Variants in SLC5A11 observed in about 807,000 individuals in gnomAD.
The protein encoded by SLC5A11 is solute carrier family 5 member 11.
In SLC5A11, 48 loss-of-function variants were observed where a neutral mutation model predicts 69.8. The observed-to-expected ratio is 0.69, with a 90% CI of 0.55 to 0.87. The LOEUF (loss-of-function observed/expected upper bound fraction) is 0.87, where lower values mean the gene tolerates loss of function less well. Among genes scored for constraint, SLC5A11 ranks in the 40% least tolerant of loss-of-function variants. SLC5A11 has a pLI of 0.00. For missense variants in SLC5A11, 784 were observed against 866.1 expected (o/e 0.91, Z 1.19); for synonymous variants, 319 against 342.4 (o/e 0.93, Z 0.75).
At chr16:24,866,078 A>G (rs2046899013) in intron 3 of SLC5A11, among the ~76,000 whole-genome samples, 2 of 147,326 alleles carry the variant, frequency 1.4e-5, no homozygotes, top group African/African-American at 5.0e-5. Flanking sequence ...AGGAATTTAA[A>G]TGGCATACTA....
At chr16:24,871,260 C>CTTGT (rs781458135) in intron 4 of SLC5A11, among the ~76,000 whole-genome samples, 1 of 151,892 alleles carries the variant, frequency 6.6e-6, no homozygotes, top group Non-Finnish European at 1.5e-5. Flanking sequence ...GTTATTTCTG[C>CTTGT]TTGTTTGTTT....
chr16:24,892,472 C>T (rs1225844095), intron 9 of SLC5A11, among the ~76,000 whole-genome samples: 1 of 149,002 alleles, frequency 6.7e-6, no homozygotes, highest in Non-Finnish European at 1.5e-5. Flanking sequence ...AGAATAGAAT[C>T]AATATTTGCA....
chr16:24,894,370 A>G (rs2049007774), intron 9 of SLC5A11, among the ~76,000 whole-genome samples: 1 of 152,184 alleles, frequency 6.6e-6, no homozygotes, highest in African/African-American at 2.4e-5. Flanking sequence ...AAAAGCAAGG[A>G]AAGATAAGGT....
intron 3 of SLC5A11, among the ~76,000 whole-genome samples, chr16:24,867,643 G>A (rs2046997820): frequency 6.6e-6 from 1 of 152,016 alleles, no homozygotes; most frequent in Non-Finnish European, 1.5e-5. Context: ...AAACAAGACA[G>A]AAGATGCAAA....
intron 2 of SLC5A11, 42 bp from the exon 4 acceptor site, chr16:24,862,559 G>T (rs1198799643): frequency 6.4e-7 from 1 of 1,570,562 alleles, no homozygotes; most frequent in Non-Finnish European, 8.7e-7. Context: ...GCCTCTGATT[G>T]CTAACGTCTT....
At chr16:24,850,685 C>T (rs960789527) in intron 1 of SLC5A11, among the ~76,000 whole-genome samples, 32 of 152,328 alleles carry the variant, frequency 2.1e-4, no homozygotes, top group African/African-American at 6.7e-4. Flanking sequence ...GCCTTAGACC[C>T]GGCCTCAGCT....
chr16:24,904,279 T>G (rs548520902), intron 10 of SLC5A11, among the ~76,000 whole-genome samples: 28 of 152,308 alleles, frequency 1.8e-4, no homozygotes, highest in Middle Eastern at 3.4e-3. Context: ...AGTAGCAAAA[T>G]TGCTGGATCA....
At chr16:24,899,552 C>T (rs1002767039) in intron 10 of SLC5A11, among the ~76,000 whole-genome samples, 3 of 151,938 alleles carry the variant, frequency 2.0e-5, no homozygotes, top group Admixed American at 1.3e-4. Flanking sequence ...TACAGGCATG[C>T]ACCACCATGC....
chr16:24,851,864 T>G (rs1001145497), intron 1 of SLC5A11, among the ~76,000 whole-genome samples: 17 of 152,166 alleles, frequency 1.1e-4, no homozygotes, highest in Non-Finnish European at 2.1e-4. Flanking sequence ...ATTTACACTT[T>G]ACGCTTTATC....
chr16:24,854,447 G>A (rs1476453382), intron 1 of SLC5A11, among the ~76,000 whole-genome samples: 3 of 149,402 alleles, frequency 2.0e-5, no homozygotes, highest in South Asian at 2.1e-4. Flanking sequence ...TTTTTTTTCC[G>A]GAGACAGAGT....
At chr16:24,890,533 A>G (rs11646170) in intron 8 of SLC5A11, among the ~76,000 whole-genome samples, 88 of 144,438 alleles carry the variant, frequency 6.1e-4, no homozygotes, top group African/African-American at 1.9e-3. Context: ...GGAAGGAAAG[A>G]AAGGAAGGAA....
chr16:24,874,482 C>T (rs377207803), intron 5 of SLC5A11, among the ~76,000 whole-genome samples: 1 of 152,180 alleles, frequency 6.6e-6, no homozygotes, highest in Non-Finnish European at 1.5e-5. Context: ...TGCAATTCAG[C>T]GTATCCTTGG....
At chr16:24,899,895 G>A (rs986283738) in intron 10 of SLC5A11, among the ~76,000 whole-genome samples, 1 of 152,134 alleles carries the variant, frequency 6.6e-6, no homozygotes, top group African/African-American at 2.4e-5. Flanking sequence ...TAGCTATGGG[G>A]GTCTCACTGT....
intron 3 of SLC5A11, among the ~76,000 whole-genome samples, chr16:24,867,983 A>G (rs2152288459): frequency 6.6e-6 from 1 of 151,984 alleles, no homozygotes; most frequent in Non-Finnish European, 1.5e-5. Context: ...CTAAAATACA[A>G]AAAATTAGCT....
intron 10 of SLC5A11, among the ~76,000 whole-genome samples, chr16:24,902,828 C>T (rs933635386): frequency 6.6e-6 from 1 of 152,136 alleles, no homozygotes; most frequent in Non-Finnish European, 1.5e-5. Context: ...CGTGGGCCAC[C>T]GTGTCCAGCC....
rs147761714 is a variant in SLC5A11, at chr16:24,891,932, G to A, written c.870+858G>A. Among the ~76,000 whole-genome samples, 355 of 151,678 alleles carry A rather than the reference G, an allele frequency of 2.3e-3. 4 individuals are homozygous for A. Among genetic ancestry groups the A allele is most frequent in the Middle Eastern group, 3.4e-3 (1 of 294 alleles). On this transcript the variant is annotated intron_variant, in intron 9 of 15. Transcript: ENST00000347898. ...TGAGGTCAAGGAGATTGAGAGTGTG[G>A]GAGTGCAATTTAAAATGGGGTGACA... is the stretch of plus-strand genomic sequence containing the variant.
chr16:24,872,195 C>T, exon 5 of SLC5A11: 2 of 1,614,184 alleles, frequency 1.2e-6, no homozygotes, highest in Middle Eastern at 1.6e-4. Flanking sequence ...CCTGGATCTT[C>T]CTACCCATCT....
intron 10 of SLC5A11, among the ~76,000 whole-genome samples, chr16:24,899,592 TG>T (rs2152396715): frequency 6.6e-6 from 1 of 152,134 alleles, no homozygotes; most frequent in African/African-American, 2.4e-5. Context: ...TTAGCAGAGA[TG>T]GGGTTTCACC....
intron 1 of SLC5A11, among the ~76,000 whole-genome samples, chr16:24,853,978 C>T (rs555011012): frequency 6.6e-6 from 1 of 152,328 alleles, no homozygotes; most frequent in East Asian, 1.9e-4. Context: ...CCACGTCCCT[C>T]GCGGCCCCTG....
Sources: gnomAD v4.1 joint callset for allele counts (sites outside exome capture counted in the v4.1 genomes callset) on GRCh38, gnomAD v4.1.1 for gene constraint, MANE v1.5 for transcripts, NCBI Gene and HGNC (gene_info 2026-07-23, HGNC 2026-07-21) for gene names.